Variants in KLHL1 observed in about 807,000 individuals in gnomAD.
KLHL1 encodes kelch-like protein 1.
Under a neutral mutation model 77.7 loss-of-function variants are expected in KLHL1, and 47 were observed. That is an observed-to-expected ratio of 0.60 (90% CI 0.48 to 0.77). The LOEUF (loss-of-function observed/expected upper bound fraction) is 0.77. Among genes scored for constraint, KLHL1 ranks in the 30% least tolerant of loss-of-function variants. The probability of loss-of-function intolerance (pLI) is 0.00; values close to 1 mark genes in which losing one functional copy is unlikely to be tolerated. For missense variants in KLHL1, 925 were observed against 910.8 expected (o/e 1.02, Z -0.20); for synonymous variants, 360 against 325.2 (o/e 1.11, Z -1.15).
At chr13:69,986,187 G>C (rs1474385474) in intron 1 of KLHL1, among the ~76,000 whole-genome samples, 2 of 151,842 alleles carry the variant, frequency 1.3e-5, no homozygotes, top group African/African-American at 4.8e-5. Flanking sequence ...GAGACTGTGG[G>C]GAGAGAAGAA....
At chr13:69,993,211 A>C (rs991116983) in intron 1 of KLHL1, among the ~76,000 whole-genome samples, 7 of 152,110 alleles carry the variant, frequency 4.6e-5, no homozygotes, top group Admixed American at 4.6e-4. Context: ...GGGTTTATCA[A>C]GGGGAACTTA....
intron 1 of KLHL1, among the ~76,000 whole-genome samples, chr13:70,001,304 C>G (rs2501239): frequency 2.7e-5 from 4 of 150,804 alleles, no homozygotes; most frequent in African/African-American, 9.7e-5. Flanking sequence ...ATTTGACTTA[C>G]GAATTCTGCA....
chr13:69,905,369 TG>T (rs1338164003), intron 4 of KLHL1, among the ~76,000 whole-genome samples: 3 of 152,074 alleles, frequency 2.0e-5, no homozygotes, highest in African/African-American at 7.2e-5. Context: ...GCACTGAACT[TG>T]GGGTGTTCTT....
At chr13:69,913,670 T>C (rs1681869360) in intron 4 of KLHL1, among the ~76,000 whole-genome samples, 3 of 152,178 alleles carry the variant, frequency 2.0e-5, no homozygotes, top group Non-Finnish European at 2.9e-5. Flanking sequence ...CATTTGACAC[T>C]AGGAGGGAAT....
At chr13:70,054,327 T>C (rs1886694632) in intron 1 of KLHL1, among the ~76,000 whole-genome samples, 1 of 152,124 alleles carries the variant, frequency 6.6e-6, no homozygotes, top group Non-Finnish European at 1.5e-5. Context: ...CCATCTCTGT[T>C]TTGGACTTTA....
intron 1 of KLHL1, among the ~76,000 whole-genome samples, chr13:69,992,011 G>A (rs538761680): frequency 2.0e-4 from 30 of 152,098 alleles, no homozygotes; most frequent in Non-Finnish European, 3.2e-4. Flanking sequence ...GGAATGCAAA[G>A]TACTAGGCAC....
intron 10 of KLHL1, among the ~76,000 whole-genome samples, chr13:69,702,897 C>T (rs78968771): frequency 0.055 from 8,384 of 151,756 alleles, 259 homozygotes; most frequent in Middle Eastern, 0.13. Context: ...CTCTTATCTT[C>T]GTAATCACAT....
intron 7 of KLHL1, among the ~76,000 whole-genome samples, chr13:69,744,182 G>T (rs1189187221): frequency 1.3e-5 from 2 of 152,082 alleles, no homozygotes; most frequent in Non-Finnish European, 2.9e-5. Context: ...CTCTAGTATT[G>T]GTTACATGAA....
chr13:70,048,983 A>G (rs1420420231), intron 1 of KLHL1, among the ~76,000 whole-genome samples: 2 of 152,206 alleles, frequency 1.3e-5, no homozygotes, highest in East Asian at 3.8e-4. Context: ...AGTCTACATC[A>G]TTGCTGTAAG....
intron 9 of KLHL1, among the ~76,000 whole-genome samples, chr13:69,710,913 C>T (rs1321021625): frequency 6.6e-6 from 1 of 151,898 alleles, no homozygotes; most frequent in Non-Finnish European, 1.5e-5. Context: ...AGAGTGTGAG[C>T]TCCGTATCAG....
At chr13:69,714,005 T>C (rs1875997195) in intron 9 of KLHL1, among the ~76,000 whole-genome samples, 1 of 152,158 alleles carries the variant, frequency 6.6e-6, no homozygotes. Flanking sequence ...ATGATGTGCT[T>C]AATGTCTATT....
rs1878654769 is a variant in KLHL1 at position 69,828,931 on chromosome 13, T to C, written c.1414+10045A>G. 2.0e-5 allele frequency among the ~76,000 whole-genome samples: 3 copies of C among 150,262 alleles called. No individual in the cohort carries two copies. In the South Asian group the frequency reaches 6.3e-4, roughly 31 times the overall value. On this transcript the variant is annotated intron_variant, in intron 6 of 10. Coordinates refer to ENST00000377844, the MANE Select transcript of KLHL1 (RefSeq NM_020866.3). Reference sequence around the variant, plus strand: ...CCCAAGGAGAGTCTGAGCTCAGATATGCCTAACCCTGCACCCACCAAGCCT... The same window carrying C: ...CCCAAGGAGAGTCTGAGCTCAGATACGCCTAACCCTGCACCCACCAAGCCT...
At chr13:70,070,942 T>C (rs563901825) in intron 1 of KLHL1, among the ~76,000 whole-genome samples, 21 of 151,568 alleles carry the variant, frequency 1.4e-4, no homozygotes, top group African/African-American at 4.8e-4. Context: ...GAGGAGAAAA[T>C]TGAATTATAT....
rs141195669 is a variant in KLHL1, at chr13:70,078,405, A to T, written c.497+28798T>A. On this transcript the variant is annotated intron_variant, in intron 1 of 10. Coordinates refer to ENST00000377844, the MANE Select transcript of KLHL1 (RefSeq NM_020866.3). ...TATTTAAATACCCCATTAGTTTTTT[A>T]ATGAGAAATTTAATCATAGAAAACC... is the stretch of plus-strand genomic sequence containing the variant. Among the ~76,000 whole-genome samples the T allele has an allele frequency of 3.0e-3, 456 of 152,220 alleles. 1 individual carries two copies. The highest frequency in any genetic ancestry group is 0.011 in the African/African-American group (447 of 41,558).
chr13:69,808,536 G>GT (rs1877722251), intron 6 of KLHL1, among the ~76,000 whole-genome samples: 1 of 146,688 alleles, frequency 6.8e-6, no homozygotes, highest in Non-Finnish European at 1.5e-5. Context: ...TATCCCCAAG[G>GT]TAAAAAAAAC....
At chr13:69,777,311 A>G (rs1289711826) in intron 7 of KLHL1, among the ~76,000 whole-genome samples, 4 of 152,188 alleles carry the variant, frequency 2.6e-5, no homozygotes, top group Non-Finnish European at 4.4e-5. Context: ...AGACTAATAC[A>G]GCTCTATTAT....
At chr13:69,761,003 T>G (rs1051742740) in intron 7 of KLHL1, among the ~76,000 whole-genome samples, 5 of 152,058 alleles carry the variant, frequency 3.3e-5, no homozygotes, top group African/African-American at 1.2e-4. Flanking sequence ...ATGAACAAAA[T>G]GGGCCCAGTT....
At chr13:69,787,725 C>A (rs1876633959) in intron 7 of KLHL1, among the ~76,000 whole-genome samples, 1 of 152,070 alleles carries the variant, frequency 6.6e-6, no homozygotes, top group South Asian at 2.1e-4. Flanking sequence ...GAAAAGGCAA[C>A]CTACAAAATG....
intron 2 of KLHL1, among the ~76,000 whole-genome samples, chr13:69,967,655 C>T (rs955766830): frequency 6.6e-6 from 1 of 152,092 alleles, no homozygotes; most frequent in African/African-American, 2.4e-5. Context: ...TGGGAGGTGG[C>T]TGGTGGATCA....
Sources: allele counts gnomAD v4.1 joint callset (sites outside exome capture counted in the v4.1 genomes callset), GRCh38; gene constraint gnomAD v4.1.1; transcripts MANE v1.5; gene names NCBI Gene and HGNC (gene_info 2026-07-23, HGNC 2026-07-21).